The following VPS13B variants were observed in gnomAD, a reference collection of about 807,000 sequenced individuals.
VPS13B encodes the protein vacuolar protein sorting 13 homolog B.
Under a neutral mutation model 426.4 loss-of-function variants are expected in VPS13B, and 285 were observed. The ratio of observed to expected loss-of-function variants is 0.67; its 90% CI spans 0.61 to 0.74. VPS13B has a LOEUF of 0.74. VPS13B is among the 30% of genes least tolerant of loss of function. VPS13B has a pLI of 0.00. For missense variants in VPS13B, 4,537 were observed against 4,782.6 expected, an observed-to-expected ratio of 0.95 and a Z score of 1.51; for synonymous variants, 1,676 against 1,676.4, an observed-to-expected ratio of 1.00 and a Z score of 0.01.
intron 54 of VPS13B, among the ~76,000 whole-genome samples, chr8:99,837,516 T>C (rs1815457079): frequency 6.6e-6 from 1 of 152,182 alleles, no homozygotes; most frequent in Non-Finnish European, 1.5e-5. Context: ...AAACCTTATT[T>C]TGGGGATTCC....
intron 3 of VPS13B, among the ~76,000 whole-genome samples, chr8:99,070,285 A>G (rs1844785645): frequency 6.6e-6 from 1 of 152,192 alleles, no homozygotes; most frequent in Non-Finnish European, 1.5e-5. Context: ...GTAGGTTATT[A>G]ACATCCTAAA....
intron 22 of VPS13B, among the ~76,000 whole-genome samples, chr8:99,440,389 T>C (rs1274824497): frequency 6.6e-6 from 1 of 152,130 alleles, no homozygotes; most frequent in African/African-American, 2.4e-5. Flanking sequence ...GATCCTTACA[T>C]TAATTCAGAA....
At chr8:99,162,842 G>A (rs959420341) in intron 15 of VPS13B, among the ~76,000 whole-genome samples, 2 of 152,100 alleles carry the variant, frequency 1.3e-5, no homozygotes, top group South Asian at 2.1e-4. Flanking sequence ...ATGCTGGCTC[G>A]GGCAGCCTGC....
chr8:99,407,392 G>A (rs903479524), intron 21 of VPS13B, among the ~76,000 whole-genome samples: 3 of 152,242 alleles, frequency 2.0e-5, no homozygotes, highest in African/African-American at 7.2e-5. Context: ...TTAGAATAAA[G>A]TGAGAGGTCA....
intron 25 of VPS13B, among the ~76,000 whole-genome samples, chr8:99,485,798 AAG>A (rs1211948650): frequency 3.3e-5 from 5 of 152,226 alleles, no homozygotes; most frequent in Non-Finnish European, 1.5e-5. Context: ...AAGAAGCATA[AAG>A]GCTTTTGAAT....
At chr8:99,474,429 C>T (rs967956440) in intron 24 of VPS13B, among the ~76,000 whole-genome samples, 3 of 151,960 alleles carry the variant, frequency 2.0e-5, no homozygotes, top group African/African-American at 7.3e-5. Flanking sequence ...TCAAGCAATC[C>T]ACCTGCCTCG....
chr8:99,770,270 A>G (rs910447796), intron 40 of VPS13B, among the ~76,000 whole-genome samples: 57 of 152,294 alleles, frequency 3.7e-4, no homozygotes, highest in African/African-American at 2.4e-5. Context: ...TGACCTTTAT[A>G]GTACTGACCT....
chr8:99,135,503 A>T, intron 10 of VPS13B, 93 bp from the exon 11 acceptor site: 2 of 1,455,086 alleles, frequency 1.4e-6, no homozygotes, highest in Non-Finnish European at 1.9e-6. Flanking sequence ...ATTTCTTTTG[A>T]CTAGTAAATG....
rs760570932 is a variant in VPS13B, at chr8:99,835,521, C to G, written c.9743-18C>G. The G allele has an allele frequency of 1.1e-4, 180 of 1,612,536 alleles. No individual in the cohort carries two copies. Among genetic ancestry groups the G allele is most frequent in the Middle Eastern group, 8.3e-4 (5 of 6,058 alleles). Reference sequence around the variant, plus strand: ...TCTTTAAGGGCTAATTCTGCATATGCCTTTTTTAAAATTTCAGATATTCCA... The same window carrying G: ...TCTTTAAGGGCTAATTCTGCATATGGCTTTTTTAAAATTTCAGATATTCCA... On this transcript the variant is annotated intron_variant, in intron 53 of 61. Transcript: ENST00000357162.
At chr8:99,677,697 C>T (rs1195452770) in intron 35 of VPS13B, among the ~76,000 whole-genome samples, 1 of 152,144 alleles carries the variant, frequency 6.6e-6, no homozygotes, top group Non-Finnish European at 1.5e-5. Flanking sequence ...GGGGCCAGTA[C>T]TAGGTCTCAT....
At chr8:99,808,394 T>A (rs1312239352) in intron 43 of VPS13B, among the ~76,000 whole-genome samples, 1 of 151,232 alleles carries the variant, frequency 6.6e-6, no homozygotes, top group African/African-American at 2.4e-5. Context: ...GGCACACCTG[T>A]AGTCCCAGCT....
chr8:99,865,139 CA>C (rs1301470986), intron 58 of VPS13B, among the ~76,000 whole-genome samples: 1 of 152,202 alleles, frequency 6.6e-6, no homozygotes, highest in Non-Finnish European at 1.5e-5. Flanking sequence ...GACAGTTTTC[CA>C]AGAGCAACGG....
chr8:99,293,883 G>A (rs1222391080), intron 19 of VPS13B, among the ~76,000 whole-genome samples: 2 of 134,606 alleles, frequency 1.5e-5, no homozygotes, highest in Admixed American at 1.5e-4. Context: ...TAAAAAGTCA[G>A]GAAACAACAG....
intron 19 of VPS13B, among the ~76,000 whole-genome samples, chr8:99,313,633 G>A (rs533062057): frequency 5.9e-5 from 9 of 152,274 alleles, no homozygotes; most frequent in African/African-American, 2.2e-4. Flanking sequence ...ACTTGAGGGG[G>A]CAGTCTGTCC....
chr8:99,689,979 T>C (rs904935627), intron 35 of VPS13B, among the ~76,000 whole-genome samples: 2 of 152,230 alleles, frequency 1.3e-5, no homozygotes, highest in Non-Finnish European at 2.9e-5. Context: ...GTCTTCTTTC[T>C]ACTTTAGCTT....
At chr8:99,745,955 T>C (rs936256252) in intron 39 of VPS13B, among the ~76,000 whole-genome samples, 1 of 152,128 alleles carries the variant, frequency 6.6e-6, no homozygotes, top group African/African-American at 2.4e-5. Flanking sequence ...TTAGATTTGG[T>C]TTGTTTGAAT....
At chr8:99,140,368 CAAA>C (rs5893482) in intron 12 of VPS13B, among the ~76,000 whole-genome samples, 2 of 74,676 alleles carry the variant, frequency 2.7e-5, no homozygotes, top group African/African-American at 6.0e-5. Context: ...AGCTCTGTCT[CAAA>C]AAAAAAAAAA....
rs544366805 is a variant in VPS13B, at chr8:99,832,631, G to A, written c.9593G>A (p.Arg3198Gln). The change falls in exon 52 of 62, where the codon CGG becomes CAG. Residue 3198 changes from arginine to glutamine, a missense_variant. Arg to Gln is a conservative substitution (Grantham distance 43). This residue lies in a region of VPS13B where 4,311 missense variants were observed against 4,474.3 expected (regional missense o/e 0.96). Transcript: ENST00000357162. ...QSVAVPLGNF[R>Q]ENGFCTRAIV... The stretch of plus-strand genomic sequence containing the variant: ...GTGGCAGTACCCCTCGGGAATTTCC[G>A]GGAAAATGGATTCTGTACCAGGTAT... 2.1e-5 allele frequency: 34 copies of A among 1,613,670 alleles called. 1 individual carries two copies. Among genetic ancestry groups the A allele is most frequent in the East Asian group, 6.7e-5 (3 of 44,878 alleles).
chr8:99,416,555 CT>C (rs1816017397), intron 21 of VPS13B, among the ~76,000 whole-genome samples: 1 of 152,202 alleles, frequency 6.6e-6, no homozygotes, highest in African/African-American at 2.4e-5. Context: ...GCATAGGCCC[CT>C]GAGGGAATCA....
Sources: allele counts gnomAD v4.1 joint callset (sites outside exome capture counted in the v4.1 genomes callset), GRCh38; gene constraint gnomAD v4.1.1; regional missense constraint gnomAD v4.1.1; transcripts MANE v1.5; gene names NCBI Gene and HGNC (gene_info 2026-07-23, HGNC 2026-07-21).